The following ADGRV1 variants were observed in gnomAD, a reference collection of about 807,000 sequenced individuals.
ADGRV1 encodes G-protein coupled receptor 98.
A neutral mutation model predicts 596.2 loss-of-function variants in ADGRV1; 359 were observed. The ratio of observed to expected loss-of-function variants is 0.60; its 90% confidence interval spans 0.55 to 0.66. ADGRV1 has a LOEUF of 0.66. Ranked by LOEUF, ADGRV1 falls within the 30% of genes least tolerant of loss-of-function variation. The probability of loss-of-function intolerance (pLI) is 0.00; values close to 1 mark genes in which losing one functional copy is unlikely to be tolerated. For missense variants in ADGRV1, 7,274 were observed against 7,575.6 expected (o/e 0.96, Z 1.48); for synonymous variants, 2,681 against 2,679.2 (o/e 1.00, Z -0.02).
At position 90,807,097 on chromosome 5, in the gene ADGRV1, C is replaced by G. The variant is rs551614120; in HGVS notation, c.14837-505C>G. Among the ~76,000 whole-genome samples the G allele has an allele frequency of 2.2e-4, 33 of 152,276 alleles. No individual in the cohort carries two copies. In the East Asian group the frequency reaches 6.2e-3, roughly 28 times the overall value. ...CAAACTCCTGACCTCAGAATCCGCCCTCGTCGGCCTCCCAAAGTGTTGGGA... is the reference window on the plus strand; with the variant it reads ...CAAACTCCTGACCTCAGAATCCGCCGTCGTCGGCCTCCCAAAGTGTTGGGA... On this transcript the variant is annotated intron_variant, in intron 72 of 89. Transcript: ENST00000405460.
intron 74 of ADGRV1, among the ~76,000 whole-genome samples, chr5:90,812,271 A>G (rs1161912288): frequency 1.3e-5 from 2 of 152,128 alleles, no homozygotes; most frequent in Non-Finnish European, 2.9e-5. Context: ...CAGCATGTCA[A>G]TACCTTATAG....
chr5:90,632,876 G>A (rs887130452), intron 9 of ADGRV1, among the ~76,000 whole-genome samples: 2 of 152,152 alleles, frequency 1.3e-5, no homozygotes, highest in East Asian at 3.9e-4. Context: ...AAGTCATTGA[G>A]GTTCAAAACA....
At chr5:90,564,621 A>AAAAAGTTGTGGCCTGGGCGTGG (rs1580277603) in intron 1 of ADGRV1, among the ~76,000 whole-genome samples, 2 of 44,208 alleles carry the variant, frequency 4.5e-5, no homozygotes, top group Admixed American at 1.5e-4. Context: ...TAATATATAT[A>AAAAAGTTGTGGCCTGGGCGTGG]TATATTTTTT....
At chr5:90,975,562 G>T (rs533274579) in intron 84 of ADGRV1, among the ~76,000 whole-genome samples, 1 of 152,222 alleles carries the variant, frequency 6.6e-6, no homozygotes, top group East Asian at 1.9e-4. Context: ...GGACATGGAT[G>T]AAGCTGGAGG....
At chr5:90,803,828 T>TAA (rs141421600) in intron 71 of ADGRV1, among the ~76,000 whole-genome samples, 5 of 148,270 alleles carry the variant, frequency 3.4e-5, no homozygotes, top group African/African-American at 1.2e-4. Context: ...TGTGTTGTTA[T>TAA]AAAAAAAAAA....
chr5:91,023,938 T>TC (rs1354129713), intron 85 of ADGRV1, among the ~76,000 whole-genome samples: 5 of 152,184 alleles, frequency 3.3e-5, no homozygotes, highest in Non-Finnish European at 5.9e-5. Context: ...TTCGTGTTTT[T>TC]CATCTTAAAT....
chr5:91,113,329 T>C (rs1792547290), intron 87 of ADGRV1, among the ~76,000 whole-genome samples: 1 of 152,098 alleles, frequency 6.6e-6, no homozygotes, highest in Non-Finnish European at 1.5e-5. Context: ...AAGCAAACAC[T>C]GTGCAGGCCA....
At chr5:91,029,283 G>A (rs1190304990) in intron 85 of ADGRV1, among the ~76,000 whole-genome samples, 1 of 152,154 alleles carries the variant, frequency 6.6e-6, no homozygotes, top group Non-Finnish European at 1.5e-5. Flanking sequence ...TAATGTTTTA[G>A]ATGTGATTCC....
intron 83 of ADGRV1, among the ~76,000 whole-genome samples, chr5:90,964,038 T>A (rs1778247371): frequency 1.3e-5 from 2 of 152,056 alleles, no homozygotes; most frequent in Non-Finnish European, 2.9e-5. Context: ...AAAGCCTCAC[T>A]GCAGATCCTA....
rs16869032 is a variant in ADGRV1, at chr5:90,721,054, G to A, written c.9743G>A (p.Gly3248Asp). 0.14 allele frequency: 221,361 copies of A among 1,608,614 alleles called. 17,421 individuals carry two copies. Among genetic ancestry groups the A allele is most frequent in the East Asian group, 0.38 (16,739 of 44,616 alleles). Reference sequence around the variant, plus strand: ...GAGACAGTATCTGAAACAGCCTTTGGCATGAGTATGTTTCATTTCTTATGA... The same window carrying A: ...GAGACAGTATCTGAAACAGCCTTTGACATGAGTATGTTTCATTTCTTATGA... ...QWETVSETAF[G>D]MRGMDVVFSV... The change falls in exon 45 of 90, where the codon GGC becomes GAC. Residue 3248 changes from glycine to aspartate, a missense_variant. Around this residue, in one of 5 missense-constraint regions of ADGRV1, gnomAD observed 3,643 missense variants for 3,809.2 expected, o/e 0.96. Coordinates refer to ENST00000405460, the MANE Select transcript of ADGRV1 (RefSeq NM_032119.4).
In ADGRV1 at chr5:90,755,257, G is replaced by GT. The variant is rs1033496980; in HGVS notation, c.11580+73dup. ...TCTTAAGTAAAATTGTGATGCTCTT[G>GT]TAAGTAAAAATCTTTTTTTTAATAA... On this transcript the variant is annotated intron_variant, in intron 55 of 89. Transcript: ENST00000405460. The GT allele has an allele frequency of 8.7e-5, 86 of 985,882 alleles. No individual in the cohort carries two copies. In the African/African-American group the frequency reaches 1.3e-3, roughly 15 times the overall value. The allele number at this position is 985,882 out of a possible 1,614,324, so 61.1% of individuals were successfully genotyped here.
chr5:91,001,716 A>G lies in ADGRV1; in HGVS notation c.18152+16194A>G, dbSNP rs533533697. Among the ~76,000 whole-genome samples the G allele has an allele frequency of 5.3e-5, 8 of 152,248 alleles. No individual in the cohort carries two copies. In the South Asian group the frequency reaches 1.4e-3, roughly 28 times the overall value. The stretch of plus-strand genomic sequence containing the variant: ...TCTATCCAACTTTTTGTATATTTTT[A>G]TTGCATGTTTCAGAACATTTTTCTT... On this transcript the variant is annotated intron_variant, in intron 85 of 89. Coordinates refer to ENST00000405460, the MANE Select transcript of ADGRV1 (RefSeq NM_032119.4).
At chr5:90,650,713 G>A (rs1290418998) in intron 17 of ADGRV1, among the ~76,000 whole-genome samples, 1 of 150,946 alleles carries the variant, frequency 6.6e-6, no homozygotes. Context: ...TTATGTGTAT[G>A]TCTGTATGTG....
At chr5:90,856,414 C>A (rs115920228) in intron 82 of ADGRV1, among the ~76,000 whole-genome samples, 106 of 152,278 alleles carry the variant, frequency 7.0e-4, no homozygotes, top group African/African-American at 2.5e-3. Context: ...CATTCCACAT[C>A]TAGGCCTCAT....
intron 1 of ADGRV1, among the ~76,000 whole-genome samples, chr5:90,564,094 G>T (rs950142603): frequency 1.3e-5 from 2 of 152,188 alleles, no homozygotes; most frequent in Admixed American, 6.5e-5. Flanking sequence ...CTGAAAGAAG[G>T]CATAATAGAA....
At chr5:90,663,918 G>C (rs1770843752) in intron 21 of ADGRV1, among the ~76,000 whole-genome samples, 1 of 151,526 alleles carries the variant, frequency 6.6e-6, no homozygotes. Flanking sequence ...AGATCAGATA[G>C]TTGTAGATAT....
chr5:90,797,248 A>G (rs1444916216), intron 70 of ADGRV1, among the ~76,000 whole-genome samples: 1 of 149,106 alleles, frequency 6.7e-6, no homozygotes, highest in Admixed American at 6.7e-5. Flanking sequence ...TAGGCTCAAT[A>G]TAAAGGGATG....
At chr5:90,832,762 T>G (rs1581259616) in intron 77 of ADGRV1, among the ~76,000 whole-genome samples, 1 of 152,192 alleles carries the variant, frequency 6.6e-6, no homozygotes, top group Admixed American at 6.5e-5. Flanking sequence ...TTTGTTTTGA[T>G]TTGACTTTCT....
At chr5:90,902,409 T>C (rs1771931004) in intron 83 of ADGRV1, among the ~76,000 whole-genome samples, 2 of 152,170 alleles carry the variant, frequency 1.3e-5, no homozygotes. Flanking sequence ...GTTTGTTCAG[T>C]TGGAAGGAAG....
Sources: allele counts gnomAD v4.1 joint callset (sites outside exome capture counted in the v4.1 genomes callset), GRCh38; gene constraint gnomAD v4.1.1; regional missense constraint gnomAD v4.1.1; transcripts MANE v1.5; gene names NCBI Gene and HGNC (gene_info 2026-07-23, HGNC 2026-07-21).